ZBTB38: variants seen among roughly 807,000 people sequenced by gnomAD.
ZBTB38 encodes zinc finger and BTB domain containing 38, also known as zinc finger and BTB domain-containing protein 38.
Under a neutral mutation model 76.8 loss-of-function variants are expected in ZBTB38, and 20 were observed. The observed-to-expected ratio is 0.26, with a 90% CI of 0.18 to 0.38. ZBTB38 has a LOEUF of 0.38. ZBTB38 is among the 10% of genes least tolerant of loss of function. The pLI is 1.00. For missense variants in ZBTB38, 1,082 were observed against 1,482.3 expected (o/e 0.73, Z 4.43); for synonymous variants, 504 against 544.2 (o/e 0.93, Z 1.03).
chr3:141,360,809 C>A (rs1402630279), intron 1 of ZBTB38, among the ~76,000 whole-genome samples: 1 of 152,040 alleles, frequency 6.6e-6, no homozygotes, highest in Non-Finnish European at 1.5e-5. Context: ...ACGGTATTAC[C>A]CCCAAAATGA....
chr3:141,416,468 C>T (rs897387191), intron 5 of ZBTB38, among the ~76,000 whole-genome samples: 1 of 152,170 alleles, frequency 6.6e-6, no homozygotes, highest in Admixed American at 6.5e-5. Flanking sequence ...TCTGAGCTGG[C>T]TCGCTCTCCC....
intron 5 of ZBTB38, among the ~76,000 whole-genome samples, chr3:141,415,453 G>T (rs1378699258): frequency 1.3e-5 from 2 of 152,136 alleles, no homozygotes; most frequent in African/African-American, 2.4e-5. Context: ...GTGGTCCTCA[G>T]ACTGGCAGCA....
chr3:141,378,907 G>T (rs558465837), intron 2 of ZBTB38, among the ~76,000 whole-genome samples: 2 of 152,076 alleles, frequency 1.3e-5, no homozygotes, highest in Non-Finnish European at 2.9e-5. Context: ...CATCCTTCTC[G>T]CCCCTGTGCA....
In ZBTB38 at chr3:141,445,487, C is replaced by T. The variant is rs750805955; in HGVS notation, c.3099C>T (p.Thr1033=). The T allele has an allele frequency of 1.8e-5, 29 of 1,614,158 alleles. No homozygotes were observed. The highest frequency in any genetic ancestry group is 1.6e-4 in the Middle Eastern group (1 of 6,062). Residue 1033 remains threonine, a synonymous_variant, in exon 6 of 6, where the codon ACC becomes ACT. Transcript: ENST00000321464. The surrounding 1 kb of genome is among the most constrained non-coding windows in gnomAD (Gnocchi z 6.5). ...STLKMHMRCH[T]GEKPYQCKTC... ...TCAAAATGCACATGAGATGTCACAC[C>T]GGGGAGAAGCCATACCAGTGCAAGA... is the stretch of plus-strand genomic sequence containing the variant.
At chr3:141,345,733 G>A (rs1162109576) in intron 1 of ZBTB38, among the ~76,000 whole-genome samples, 1 of 151,886 alleles carries the variant, frequency 6.6e-6, no homozygotes, top group African/African-American at 2.4e-5. Flanking sequence ...TGTGTCTTGG[G>A]GTGGGAGGTG....
chr3:141,387,816 G>A (rs549657657), intron 4 of ZBTB38: 1 of 152,122 alleles, frequency 6.6e-6, no homozygotes, highest in Non-Finnish European at 1.5e-5. Context: ...GAAATCAGTT[G>A]GTCTCCATCG....
intron 1 of ZBTB38, among the ~76,000 whole-genome samples, chr3:141,359,199 GT>G (rs1293166259): frequency 6.6e-6 from 1 of 152,212 alleles, no homozygotes; most frequent in Non-Finnish European, 1.5e-5. Context: ...TAATGTACTG[GT>G]TTTTACACTC....
chr3:141,342,392 CAA>C (rs58284476), intron 1 of ZBTB38, among the ~76,000 whole-genome samples: 1,518 of 97,580 alleles, frequency 0.016, 23 homozygotes, highest in African/African-American at 0.05. Context: ...GACTCTGTCT[CAA>C]AAAAAAAAAA....
chr3:141,370,421 A>T (rs558142989), intron 2 of ZBTB38, among the ~76,000 whole-genome samples: 1 of 152,210 alleles, frequency 6.6e-6, no homozygotes, highest in African/African-American at 2.4e-5. Context: ...ACCACAGAGG[A>T]GTCTGGGAAA....
In ZBTB38 at chr3:141,446,028, T is replaced by A; in HGVS notation, c.*52T>A. On this transcript the variant is annotated 3_prime_UTR_variant, in exon 6 of 6. Transcript: ENST00000321464. ...AAATATAGTTGGTGGTTTTTTTAGT[T>A]ATGATTTAAGTTTAGTTTCATTTTG... 1.4e-6 allele frequency: 2 copies of A among 1,464,484 alleles called. No individual in the cohort carries two copies. The highest frequency in any genetic ancestry group is 1.8e-6 in the Non-Finnish European group (2 of 1,098,994). 90.7% of individuals were successfully genotyped at this position (1,464,484 alleles called of 1,614,324 possible).
chr3:141,334,131 A>G (rs1043059133), intron 1 of ZBTB38, among the ~76,000 whole-genome samples: 1 of 151,932 alleles, frequency 6.6e-6, no homozygotes, highest in Admixed American at 6.6e-5. Flanking sequence ...TAGACAGACC[A>G]TGTGTTTTTG....
At chr3:141,353,922 G>A (rs1559917882) in intron 1 of ZBTB38, among the ~76,000 whole-genome samples, 2 of 152,108 alleles carry the variant, frequency 1.3e-5, no homozygotes, top group Non-Finnish European at 1.5e-5. Flanking sequence ...AGAACAACAT[G>A]ATCATCAGCT....
intron 5 of ZBTB38, among the ~76,000 whole-genome samples, chr3:141,408,144 A>G (rs1470940685): frequency 2.0e-5 from 3 of 152,234 alleles, no homozygotes; most frequent in African/African-American, 4.8e-5. Context: ...TCTGGTGGAT[A>G]AACATCTCTG....
chr3:141,431,341 A>AATATATGTGTATATATATATATATATAT (rs2077532924), intron 5 of ZBTB38, among the ~76,000 whole-genome samples: 1 of 103,296 alleles, frequency 9.7e-6, no homozygotes, highest in African/African-American at 6.0e-5. Context: ...AAAAAAAAAA[A>AATATATGTGTATATATATATATATATAT]ATATATATAT....
rs2081271723 is a variant in ZBTB38, at chr3:141,448,580, T to C, written c.*2604T>C. On this transcript the variant is annotated 3_prime_UTR_variant, in exon 6 of 6. Coordinates refer to ENST00000321464, the MANE Select transcript of ZBTB38 (RefSeq NM_001376113.1). ...TATAATGTAACTTGCTGTTTTAGCA[T>C]CTGTATTTTGGTTAGAAGATATTAT... 1 of 152,386 alleles carries C rather than the reference T, an allele frequency of 6.6e-6. No homozygotes were observed. The highest frequency in any genetic ancestry group is 2.4e-5 in the African/African-American group (1 of 41,468). The allele number at this position is 152,386 out of a possible 1,614,324, so 9.4% of individuals were successfully genotyped here. A position where few individuals can be genotyped will look rare whatever the true frequency, so the allele number is the denominator to read the frequency against.
At chr3:141,327,367 G>A (rs1942705387) in intron 1 of ZBTB38, among the ~76,000 whole-genome samples, 1 of 152,202 alleles carries the variant, frequency 6.6e-6, no homozygotes, top group Non-Finnish European at 1.5e-5. Flanking sequence ...GATGTTGATG[G>A]TCTGTACCTT....
intron 5 of ZBTB38, among the ~76,000 whole-genome samples, chr3:141,404,569 T>G (rs1404017826): frequency 6.6e-6 from 1 of 152,162 alleles, no homozygotes; most frequent in Non-Finnish European, 1.5e-5. Context: ...AAGCTCTACC[T>G]TGGAGCCATA....
At chr3:141,400,651 TACTTA>T (rs964285397) in intron 4 of ZBTB38, among the ~76,000 whole-genome samples, 39 of 152,358 alleles carry the variant, frequency 2.6e-4, no homozygotes, top group African/African-American at 8.4e-4. Context: ...GAACTCTGAA[TACTTA>T]ACTTCCAGTA....
At position 141,396,630 on chromosome 3, in the gene ZBTB38, T is replaced by C. The variant is rs192715561; in HGVS notation, c.-105-7297T>C. On this transcript the variant is annotated intron_variant, in intron 4 of 5. Coordinates refer to ENST00000321464, the MANE Select transcript of ZBTB38 (RefSeq NM_001376113.1). ...GATCCATCAGAGCAATCACTGTCTATGGCAGTTATAGCCTTATGAAATATA... is the reference window on the plus strand; with the variant it reads ...GATCCATCAGAGCAATCACTGTCTACGGCAGTTATAGCCTTATGAAATATA... 830 of 172,606 alleles carry C rather than the reference T, an allele frequency of 4.8e-3. 4 individuals are homozygous for C. The highest frequency in any genetic ancestry group is 7.7e-3 in the Non-Finnish European group (635 of 82,154). The allele number at this position is 172,606 out of a possible 1,614,324, so 10.7% of individuals were successfully genotyped here. A position where few individuals can be genotyped will look rare whatever the true frequency, so the allele number is the denominator to read the frequency against.
Sources: gnomAD v4.1 joint callset for allele counts (sites outside exome capture counted in the v4.1 genomes callset) on GRCh38, gnomAD v4.1.1 for gene constraint, Gnocchi (gnomAD v3.1) non-coding constraint, MANE v1.5 for transcripts, NCBI Gene and HGNC (gene_info 2026-07-23, HGNC 2026-07-21) for gene names.